The following GAREM1 variants were observed in gnomAD, a reference collection of about 807,000 sequenced individuals.
GAREM1 encodes the protein GRB2 associated regulator of MAPK1 subtype 1, also known as GRB2-associated and regulator of MAPK protein 1.
In GAREM1, 26 loss-of-function variants were observed where a neutral mutation model predicts 71.3. The observed-to-expected ratio is 0.36, with a 90% CI of 0.27 to 0.51. The LOEUF is 0.51. Ranked by LOEUF, GAREM1 falls within the 20% of genes least tolerant of loss-of-function variation. The pLI is 0.95. For synonymous variants in GAREM1, 440 were observed against 433.2 expected (o/e 1.02, Z -0.20); for missense variants, 1,026 against 1,103.1 (o/e 0.93, Z 0.99).
intron 2 of GAREM1, among the ~76,000 whole-genome samples, chr18:32,378,092 G>A (rs866071329): frequency 3.3e-5 from 5 of 151,354 alleles, no homozygotes; most frequent in African/African-American, 1.2e-4. Flanking sequence ...CAGGGTTGAG[G>A]TGAAGTGAAG....
intron 2 of GAREM1, among the ~76,000 whole-genome samples, chr18:32,361,836 T>A (rs1219419600): frequency 1.3e-5 from 2 of 152,216 alleles, no homozygotes; most frequent in African/African-American, 4.8e-5. Context: ...TTTCTCTCCT[T>A]TGAATCCATT....
At chr18:32,376,895 C>T (rs2144634703) in intron 2 of GAREM1, among the ~76,000 whole-genome samples, 1 of 152,140 alleles carries the variant, frequency 6.6e-6, no homozygotes, top group South Asian at 2.1e-4. Flanking sequence ...CAAAACAAAA[C>T]AAAAACACTA....
At chr18:32,277,556 C>T (rs1436713499) in intron 4 of GAREM1, among the ~76,000 whole-genome samples, 1 of 152,178 alleles carries the variant, frequency 6.6e-6, no homozygotes, top group Non-Finnish European at 1.5e-5. Context: ...TGGAAGTGGT[C>T]AACAAAGTCA....
intron 1 of GAREM1, among the ~76,000 whole-genome samples, chr18:32,428,077 T>C (rs1489514194): frequency 6.6e-6 from 1 of 152,210 alleles, no homozygotes; most frequent in African/African-American, 2.4e-5. Flanking sequence ...AAAAATGCAG[T>C]GATCTTTAAG....
At chr18:32,432,239 T>G (rs564674124) in intron 1 of GAREM1, among the ~76,000 whole-genome samples, 16 of 152,286 alleles carry the variant, frequency 1.1e-4, no homozygotes, top group African/African-American at 3.8e-4. Flanking sequence ...TTTGGGATTT[T>G]TAGTGTCTTA....
intron 2 of GAREM1, among the ~76,000 whole-genome samples, chr18:32,343,246 A>G (rs1321965831): frequency 6.6e-6 from 1 of 152,162 alleles, no homozygotes; most frequent in African/African-American, 2.4e-5. Context: ...GCGGGTGGAG[A>G]AAAAGCACCG....
At position 32,270,280 on chromosome 18, in the gene GAREM1, G is replaced by A. The variant is rs762301004; in HGVS notation, c.1670C>T (p.Ala557Val). The change falls in exon 5 of 6, where the codon GCG becomes GTG. Residue 557 changes from alanine to valine, a missense_variant. By Grantham distance (64) the Ala-to-Val change is moderately conservative. Around this residue, in one of 3 missense-constraint regions of GAREM1, gnomAD observed 636 missense variants for 631.2 expected, o/e 1.01. Transcript: ENST00000269209. Reference protein sequence around the residue: ...PSIPPRTVKPARQQTRSPSPT... With the variant: ...PSIPPRTVKPVRQQTRSPSPT... The stretch of plus-strand genomic sequence containing the variant: ...GCTGGGAGAGCGAGTCTGTTGCCGC[G>A]CTGGCTTGACTGTGCGAGGAGGGAT... 1.2e-5 allele frequency: 20 copies of A among 1,613,800 alleles called. No homozygotes were observed. The highest frequency in any genetic ancestry group is 1.6e-4 in the Middle Eastern group (1 of 6,082).
At chr18:32,347,182 G>A (rs935259519) in intron 2 of GAREM1, among the ~76,000 whole-genome samples, 1 of 152,056 alleles carries the variant, frequency 6.6e-6, no homozygotes, top group Non-Finnish European at 1.5e-5. Context: ...GAGAATAAAA[G>A]ATTAAAGTCT....
intron 4 of GAREM1, among the ~76,000 whole-genome samples, chr18:32,280,458 G>A (rs1293141884): frequency 1.3e-5 from 2 of 152,114 alleles, no homozygotes; most frequent in Non-Finnish European, 2.9e-5. Context: ...GTGTTGGTTT[G>A]CCCGGGAATA....
At chr18:32,380,840 A>G (rs554818407) in intron 2 of GAREM1, among the ~76,000 whole-genome samples, 59 of 152,236 alleles carry the variant, frequency 3.9e-4, no homozygotes, top group Non-Finnish European at 6.0e-4. Flanking sequence ...TTCTTAAATA[A>G]GGAGGTAAGA....
intron 1 of GAREM1, among the ~76,000 whole-genome samples, chr18:32,396,301 A>G (rs2144664092): frequency 6.6e-6 from 1 of 152,356 alleles, no homozygotes; most frequent in East Asian, 1.9e-4. Context: ...CAATGGAACA[A>G]AGGTGGACGA....
intron 4 of GAREM1, among the ~76,000 whole-genome samples, chr18:32,273,630 G>A (rs2041496261): frequency 6.6e-6 from 1 of 152,170 alleles, no homozygotes; most frequent in Non-Finnish European, 1.5e-5. Flanking sequence ...TATGGTTGAT[G>A]CTCAAGACAG....
intron 2 of GAREM1, among the ~76,000 whole-genome samples, chr18:32,316,559 C>T (rs1180490443): frequency 1.3e-5 from 2 of 152,174 alleles, no homozygotes; most frequent in Non-Finnish European, 2.9e-5. Context: ...ATCCTCTTAC[C>T]TCAGCCTCCC....
At chr18:32,425,278 G>A (rs2048563649) in intron 1 of GAREM1, among the ~76,000 whole-genome samples, 1 of 152,098 alleles carries the variant, frequency 6.6e-6, no homozygotes, top group South Asian at 2.1e-4. Context: ...CCATCACTGT[G>A]GCACAAAATT....
rs77267175 is a variant in GAREM1 at position 32,312,290 on chromosome 18, T to C, written c.263-1967A>G. Among the ~76,000 whole-genome samples, 1,049 of 152,106 alleles carry C rather than the reference T, an allele frequency of 6.9e-3. 14 individuals are homozygous for C. The highest frequency in any genetic ancestry group is 0.024 in the African/African-American group (1,009 of 41,480). ...GTGTGAACAGAGAAGAGGTCTAAGGTTTGAGTCCTGGGAGACTGAGAAGGA... is the reference window on the plus strand; with the variant it reads ...GTGTGAACAGAGAAGAGGTCTAAGGCTTGAGTCCTGGGAGACTGAGAAGGA... On this transcript the variant is annotated intron_variant, in intron 2 of 5. Coordinates refer to ENST00000269209, the MANE Select transcript of GAREM1 (RefSeq NM_001242409.2).
intron 1 of GAREM1, among the ~76,000 whole-genome samples, chr18:32,432,673 G>T (rs1211694688): frequency 6.6e-6 from 1 of 152,026 alleles, no homozygotes; most frequent in Non-Finnish European, 1.5e-5. Context: ...AACTCCACAC[G>T]TATAAATTTC....
At chr18:32,458,258 T>C (rs537293645) in intron 1 of GAREM1, among the ~76,000 whole-genome samples, 1 of 152,210 alleles carries the variant, frequency 6.6e-6, no homozygotes, top group South Asian at 2.1e-4. Context: ...TGCACAGGAA[T>C]TTATCAACAA....
intron 1 of GAREM1, among the ~76,000 whole-genome samples, chr18:32,407,685 G>A (rs2048377515): frequency 6.6e-6 from 1 of 152,110 alleles, no homozygotes; most frequent in Non-Finnish European, 1.5e-5. Flanking sequence ...TTGAGGGAAT[G>A]TAGATGACAT....
chr18:32,435,395 T>C (rs7359734), intron 1 of GAREM1, among the ~76,000 whole-genome samples: 32,949 of 152,050 alleles, frequency 0.22, 4,217 homozygotes, highest in East Asian at 0.39. Context: ...TAAGGGTATA[T>C]GGGAAAACTC....
Sources: gnomAD v4.1 joint callset for allele counts (sites outside exome capture counted in the v4.1 genomes callset) on GRCh38, gnomAD v4.1.1 for gene constraint, gnomAD v4.1.1 regional missense constraint, MANE v1.5 for transcripts, NCBI Gene and HGNC (gene_info 2026-07-23, HGNC 2026-07-21) for gene names.